Variants in SASH1 observed in about 807,000 individuals in gnomAD.
SASH1 encodes the protein SAM and SH3 domain-containing protein 1.
Under a neutral mutation model 125.2 loss-of-function variants are expected in SASH1, and 44 were observed. The observed-to-expected ratio is 0.35, with a 90% CI of 0.28 to 0.45. SASH1 has a LOEUF of 0.45. SASH1 is among the 20% of genes least tolerant of loss of function. The probability of loss-of-function intolerance (pLI) is 1.00; values close to 1 mark genes in which losing one functional copy is unlikely to be tolerated. For synonymous variants in SASH1, 639 were observed against 649.1 expected (o/e 0.98, Z 0.24); for missense variants, 1,426 against 1,614.5 (o/e 0.88, Z 2.00).
At chr6:148,448,814 T>C (rs1776934338) in intron 4 of SASH1, among the ~76,000 whole-genome samples, 1 of 152,170 alleles carries the variant, frequency 6.6e-6, no homozygotes, top group African/African-American at 2.4e-5. Flanking sequence ...CCCATTCATA[T>C]AACATAATTC....
At chr6:148,548,120 C>T (rs1782666691) in intron 19 of SASH1, among the ~76,000 whole-genome samples, 175 bp from the exon 20 acceptor site, 1 of 152,232 alleles carries the variant, frequency 6.6e-6, no homozygotes, top group Non-Finnish European at 1.5e-5. Context: ...AGATTTGTTT[C>T]ATCTTAGAGA....
chr6:148,446,955 A>C (rs760927113), intron 4 of SASH1, among the ~76,000 whole-genome samples: 1 of 152,354 alleles, frequency 6.6e-6, no homozygotes, highest in Non-Finnish European at 1.5e-5. Context: ...ATGCAAATAC[A>C]GAGGCTAGTG....
chr6:148,496,737 G>A (rs1046638876), intron 8 of SASH1, among the ~76,000 whole-genome samples: 1 of 152,122 alleles, frequency 6.6e-6, no homozygotes, highest in Admixed American at 6.6e-5. Flanking sequence ...GCCGGGCATG[G>A]TGGCACACGC....
At chr6:148,267,399 G>GTGTGT (rs55909678), upstream of SASH1, among the ~76,000 whole-genome samples, 8 of 142,184 alleles carry the variant, frequency 5.6e-5, no homozygotes, top group East Asian at 2.0e-4. Context: ...GTGTGTGTGA[G>GTGTGT]ATGGAGTCTC....
At position 148,348,506 on chromosome 6, in the gene SASH1, G is replaced by T. The variant is rs538278644; in HGVS notation, c.156+5283G>T. ...CTTTGCATGCAGCTCTATGGGGACG[G>T]AGTGAGAGGCAGTGCTCCTGTGTAG... On this transcript the variant is annotated intron_variant, in intron 1 of 19. Transcript: ENST00000367467. Among the ~76,000 whole-genome samples, 28 of 152,306 alleles carry T rather than the reference G, an allele frequency of 1.8e-4. No individual in the cohort carries two copies. The South Asian group carries it at 5.4e-3, about 29-fold the overall frequency.
chr6:148,357,026 TG>T (rs1328938119), intron 1 of SASH1, among the ~76,000 whole-genome samples: 1 of 152,228 alleles, frequency 6.6e-6, no homozygotes, highest in Non-Finnish European at 1.5e-5. Context: ...CACTTTTTGA[TG>T]GGATTATTTG....
chr6:148,405,517 T>A (rs1274851694), intron 2 of SASH1, among the ~76,000 whole-genome samples: 1 of 152,062 alleles, frequency 6.6e-6, no homozygotes, highest in Non-Finnish European at 1.5e-5. Context: ...CTGCTCCTTC[T>A]CCCTTTCCAT....
chr6:148,196,706 T>C, the SASH1 span, among the ~76,000 whole-genome samples: 17 of 152,194 alleles, frequency 1.1e-4, no homozygotes, highest in South Asian at 3.3e-3. Flanking sequence ...AATATAATTG[T>C]GAGATAAGAC....
chr6:148,335,713 G>T (rs1257793557), intron 1 of SASH1, among the ~76,000 whole-genome samples: 2 of 152,138 alleles, frequency 1.3e-5, no homozygotes, highest in African/African-American at 4.8e-5. Flanking sequence ...CTGGCAGAGA[G>T]TAGGTTTTCC....
chr6:148,341,721 A>G (rs1358682833), upstream of SASH1, among the ~76,000 whole-genome samples: 1 of 152,114 alleles, frequency 6.6e-6, no homozygotes, highest in Non-Finnish European at 1.5e-5. Context: ...TCAACAAGAA[A>G]CAGGAGAGGC....
intron 4 of SASH1, among the ~76,000 whole-genome samples, chr6:148,467,852 G>A (rs1378704419): frequency 6.6e-6 from 1 of 152,090 alleles, no homozygotes; most frequent in African/African-American, 2.4e-5. Flanking sequence ...CAGGAGAATC[G>A]CTTGAACCCA....
intron 11 of SASH1, among the ~76,000 whole-genome samples, chr6:148,526,356 C>T (rs192173372): frequency 4.5e-4 from 69 of 152,162 alleles, no homozygotes; most frequent in African/African-American, 1.1e-3. Flanking sequence ...GCCACGCGCC[C>T]GGCCTTTGGT....
chr6:148,366,091 G>A (rs1480999521), intron 1 of SASH1, among the ~76,000 whole-genome samples: 1 of 151,556 alleles, frequency 6.6e-6, no homozygotes, highest in Non-Finnish European at 1.5e-5. Context: ...CCAGCCTGGG[G>A]GATAGAGTGA....
At chr6:148,369,966 C>CAAAAAAAAAAAAA (rs562924566) in intron 1 of SASH1, among the ~76,000 whole-genome samples, 273 of 93,578 alleles carry the variant, frequency 2.9e-3, no homozygotes, top group Non-Finnish European at 3.2e-3. Flanking sequence ...AAAAGAAAAA[C>CAAAAAAAAAAAAA]AAAAAAAAAA....
intron 2 of SASH1, among the ~76,000 whole-genome samples, chr6:148,392,492 T>C (rs190702534): frequency 7.7e-4 from 117 of 152,290 alleles, no homozygotes; most frequent in African/African-American, 2.7e-3. Context: ...AGTCCTCTCA[T>C]ACAAGGGACT....
At chr6:148,245,882 G>T in the SASH1 span, among the ~76,000 whole-genome samples, 1 of 151,886 alleles carries the variant, frequency 6.6e-6, no homozygotes, top group Non-Finnish European at 1.5e-5. Context: ...CCAGCTACTC[G>T]GGAGGCTGAG....
At chr6:148,212,423 A>G in the SASH1 span, among the ~76,000 whole-genome samples, 2 of 152,186 alleles carry the variant, frequency 1.3e-5, no homozygotes, top group Admixed American at 6.5e-5. Context: ...TTCAACCAAC[A>G]ATTGTTGACA....
chr6:148,377,326 G>A (rs1013782441), intron 1 of SASH1, among the ~76,000 whole-genome samples: 3 of 151,882 alleles, frequency 2.0e-5, no homozygotes, highest in Non-Finnish European at 2.9e-5. Flanking sequence ...TTCTGGATAA[G>A]CTCCTTGTGT....
chr6:148,546,832 C>G (rs1042781148), intron 19 of SASH1, among the ~76,000 whole-genome samples: 14 of 151,858 alleles, frequency 9.2e-5, no homozygotes, highest in African/African-American at 3.1e-4. Context: ...TGTATAGTAC[C>G]GAAACCTGAT....
Sources: allele counts gnomAD v4.1 joint callset (sites outside exome capture counted in the v4.1 genomes callset), GRCh38; gene constraint gnomAD v4.1.1; transcripts MANE v1.5; gene names NCBI Gene and HGNC (gene_info 2026-07-23, HGNC 2026-07-21).